Variants in AIG1 observed in about 807,000 individuals in gnomAD.
The protein encoded by AIG1 is androgen-induced gene 1 protein.
In AIG1, 23 loss-of-function variants were observed where a neutral mutation model predicts 31.4. The observed-to-expected ratio is 0.73, with a 90% CI of 0.53 to 1.04. The LOEUF is 1.04. Ranked by LOEUF, AIG1 falls within the 50% of genes least tolerant of loss-of-function variation. The probability of loss-of-function intolerance (pLI) is 0.00; values close to 1 mark genes in which losing one functional copy is unlikely to be tolerated. For missense variants in AIG1, 274 were observed against 295.0 expected (o/e 0.93, Z 0.52); for synonymous variants, 100 against 110.5 (o/e 0.90, Z 0.60).
At chr6:143,314,184 TAAAAAAAAA>T (rs35691634) in intron 4 of AIG1, among the ~76,000 whole-genome samples, 3 of 90,614 alleles carry the variant, frequency 3.3e-5, no homozygotes, top group Admixed American at 3.0e-4. Flanking sequence ...ACCCATCTCT[TAAAAAAAAA>T]AAAAAAAAAA....
At chr6:143,178,965 C>T (rs191214147) in intron 3 of AIG1, among the ~76,000 whole-genome samples, 1 of 152,252 alleles carries the variant, frequency 6.6e-6, no homozygotes, top group Non-Finnish European at 1.5e-5. Context: ...TGGCAATCCC[C>T]ACCACATAGG....
intron 3 of AIG1, among the ~76,000 whole-genome samples, chr6:143,184,963 C>T (rs946850691): frequency 8.6e-5 from 13 of 151,886 alleles, no homozygotes; most frequent in South Asian, 2.1e-4. Flanking sequence ...TTTGGGAGGC[C>T]GAGGTGGGCG....
intron 1 of AIG1, among the ~76,000 whole-genome samples, chr6:143,114,068 C>G (rs1781539720): frequency 6.6e-6 from 1 of 152,194 alleles, no homozygotes; most frequent in Non-Finnish European, 1.5e-5. Context: ...GCCACCGCGC[C>G]TGGCCGGAAA....
At chr6:143,174,302 G>A (rs1198985298) in intron 3 of AIG1, among the ~76,000 whole-genome samples, 2 of 151,858 alleles carry the variant, frequency 1.3e-5, no homozygotes, top group African/African-American at 4.8e-5. Flanking sequence ...GCCTGGCCAA[G>A]ATAGTGAAAC....
chr6:143,332,589 C>T (rs185944485), intron 4 of AIG1, among the ~76,000 whole-genome samples: 1 of 152,192 alleles, frequency 6.6e-6, no homozygotes, highest in African/African-American at 2.4e-5. Flanking sequence ...GTTGTGTCAG[C>T]ATATGGCATG....
At chr6:143,071,701 G>C (rs1025581125) in intron 1 of AIG1, among the ~76,000 whole-genome samples, 39 of 151,188 alleles carry the variant, frequency 2.6e-4, no homozygotes, top group Admixed American at 7.2e-4. Flanking sequence ...TGTTGTTGTT[G>C]TTGTTCTTCT....
chr6:143,174,502 A>AG (rs1352523195), intron 3 of AIG1, among the ~76,000 whole-genome samples: 3 of 151,534 alleles, frequency 2.0e-5, no homozygotes, highest in Admixed American at 1.3e-4. Context: ...AAAAAAAAAA[A>AG]AAAAAAGAAA....
chr6:143,119,248 A>G (rs891062605), intron 1 of AIG1, among the ~76,000 whole-genome samples: 2 of 152,178 alleles, frequency 1.3e-5, no homozygotes, highest in Admixed American at 6.5e-5. Flanking sequence ...TTGCCTATAA[A>G]TGCTCAATTT....
At chr6:143,103,014 A>T (rs1178022259) in intron 1 of AIG1, among the ~76,000 whole-genome samples, 2 of 152,224 alleles carry the variant, frequency 1.3e-5, no homozygotes, top group African/African-American at 4.8e-5. Flanking sequence ...TTACTAGAGA[A>T]TCTGTTCTTC....
chr6:143,189,962 T>C, intron 3 of AIG1: 1 of 522,296 alleles, frequency 1.9e-6, no homozygotes, highest in African/African-American at 2.1e-5. Flanking sequence ...ATGAGGATCC[T>C]CTTCCAGATT....
chr6:143,158,665 C>T (rs1285366648), intron 2 of AIG1, among the ~76,000 whole-genome samples: 1 of 152,072 alleles, frequency 6.6e-6, no homozygotes, highest in African/African-American at 2.4e-5. Flanking sequence ...GACGAGCTAT[C>T]TCATAGATGA....
At chr6:143,185,523 A>G (rs1022521115) in intron 3 of AIG1, among the ~76,000 whole-genome samples, 1 of 152,190 alleles carries the variant, frequency 6.6e-6, no homozygotes, top group African/African-American at 2.4e-5. Flanking sequence ...TCATGCATGC[A>G]TCACCTCTCC....
chr6:143,080,375 C>T (rs368246729), intron 1 of AIG1, among the ~76,000 whole-genome samples: 2 of 151,974 alleles, frequency 1.3e-5, no homozygotes, highest in African/African-American at 4.8e-5. Context: ...TTTACAGCTT[C>T]GATTCTGGAA....
At chr6:143,248,645 A>T (rs1326303993) in intron 3 of AIG1, among the ~76,000 whole-genome samples, 1 of 152,220 alleles carries the variant, frequency 6.6e-6, no homozygotes, top group East Asian at 1.9e-4. Flanking sequence ...AGGCCAGCTC[A>T]TCCTGAGCCA....
At chr6:143,275,203 G>A (rs1232635543) in intron 3 of AIG1, among the ~76,000 whole-genome samples, 1 of 152,158 alleles carries the variant, frequency 6.6e-6, no homozygotes, top group Admixed American at 6.6e-5. Context: ...AGGTGAGGAA[G>A]AGGTGTGAGG....
intron 3 of AIG1, among the ~76,000 whole-genome samples, chr6:143,237,394 A>G (rs1406039971): frequency 6.6e-6 from 1 of 152,214 alleles, no homozygotes; most frequent in Admixed American, 6.5e-5. Flanking sequence ...GCTACAATTT[A>G]TTCATTTAAT....
intron 1 of AIG1, among the ~76,000 whole-genome samples, chr6:143,071,798 G>A (rs918097006): frequency 6.7e-6 from 1 of 149,956 alleles, no homozygotes; most frequent in African/African-American, 2.5e-5. Context: ...GTGTGTATGT[G>A]TGTGTGACTG....
At chr6:143,080,684 C>T (rs75295229) in intron 1 of AIG1, among the ~76,000 whole-genome samples, 1 of 151,976 alleles carries the variant, frequency 6.6e-6, no homozygotes, top group East Asian at 1.9e-4. Flanking sequence ...ACTTTCCTCA[C>T]GGTTGTCGCC....
chr6:143,241,319 T>C (rs1794223452), intron 3 of AIG1, among the ~76,000 whole-genome samples: 1 of 152,214 alleles, frequency 6.6e-6, no homozygotes, highest in Non-Finnish European at 1.5e-5. Flanking sequence ...TGAGCAAGAC[T>C]GAACCATTTT....
Sources: allele counts gnomAD v4.1 joint callset (sites outside exome capture counted in the v4.1 genomes callset), GRCh38; gene constraint gnomAD v4.1.1; transcripts MANE v1.5; gene names NCBI Gene and HGNC (gene_info 2026-07-23, HGNC 2026-07-21).